The following MAP3K4 variants were observed in gnomAD, a reference collection of about 807,000 sequenced individuals.
MAP3K4 encodes MAP three kinase 1.
In MAP3K4, 67 loss-of-function variants were observed where a neutral mutation model predicts 185.6. That is an observed-to-expected ratio of 0.36 (90% CI 0.30 to 0.44). The LOEUF (loss-of-function observed/expected upper bound fraction) is 0.44. Ranked by LOEUF, MAP3K4 falls within the 20% of genes least tolerant of loss-of-function variation. The pLI is 1.00. For missense variants in MAP3K4, 1,551 were observed against 1,995.1 expected (o/e 0.78, Z 4.24); for synonymous variants, 702 against 710.4 (o/e 0.99, Z 0.19).
At position 161,037,064 on chromosome 6, in the gene MAP3K4, A is replaced by G. The variant is rs1191272432; in HGVS notation, c.343+2615A>G. ...CATGTATATTAGAAAGTGGCTTCAC[A>G]TGTATGCCAGCTGGTGAACTATTTC... is the stretch of plus-strand genomic sequence containing the variant. On this transcript the variant is annotated intron_variant, in intron 2 of 26. Coordinates refer to ENST00000392142, the MANE Select transcript of MAP3K4 (RefSeq NM_005922.4). The surrounding 1 kb of genome is among the most constrained non-coding windows in gnomAD (Gnocchi z 4.2). Among the ~76,000 whole-genome samples the G allele has an allele frequency of 6.6e-6, 1 of 152,206 alleles. No homozygotes were observed. Among genetic ancestry groups the G allele is most frequent in the Non-Finnish European group, 1.5e-5 (1 of 68,038 alleles).
At chr6:161,000,523 A>C (rs1243542915) in intron 1 of MAP3K4, among the ~76,000 whole-genome samples, 1 of 152,224 alleles carries the variant, frequency 6.6e-6, no homozygotes, top group East Asian at 1.9e-4. Context: ...AAGAATTGTA[A>C]AGATCAGTTT....
chr6:160,995,248 A>G (rs1054838553), intron 1 of MAP3K4, among the ~76,000 whole-genome samples: 7 of 152,168 alleles, frequency 4.6e-5, no homozygotes, highest in African/African-American at 9.7e-5. Context: ...GTGAAATGCC[A>G]CCTTTTAATA....
chr6:161,112,616 A>C lies in MAP3K4; in HGVS notation c.4520-52A>C. On this transcript the variant is annotated intron_variant, in intron 24 of 26. Coordinates refer to ENST00000392142, the MANE Select transcript of MAP3K4 (RefSeq NM_005922.4). The surrounding 1 kb of genome is among the most constrained non-coding windows in gnomAD (Gnocchi z 5.1). The stretch of plus-strand genomic sequence containing the variant: ...ATTTATTGCTTGGCTCTATTAATAC[A>C]TGTTGATGTGTTTATAACCCATTAC... 1 of 1,094,144 alleles carries C rather than the reference A, an allele frequency of 9.1e-7. No homozygotes were observed. The highest frequency in any genetic ancestry group is 1.3e-6 in the Non-Finnish European group (1 of 793,816). The allele number at this position is 1,094,144 out of a possible 1,614,324, so 67.8% of individuals were successfully genotyped here.
intron 3 of MAP3K4, among the ~76,000 whole-genome samples, chr6:161,059,982 C>G (rs949782326): frequency 6.6e-6 from 1 of 151,858 alleles, no homozygotes; most frequent in East Asian, 1.9e-4. Flanking sequence ...TGTGAATTGG[C>G]TGTAAAATAG....
rs1312721703 is a variant in MAP3K4, at chr6:161,111,842, A to G, written c.4403A>G (p.Asn1468Ser). The G allele has an allele frequency of 6.2e-7, 1 of 1,613,386 alleles. No individual in the cohort carries two copies. The highest frequency in any genetic ancestry group is 1.3e-5 in the African/African-American group (1 of 74,868). ...GIVHRDIKGA[N>S]IFLTSSGLIK... Reference sequence around the variant, plus strand: ...CTACTTCTTTTCTTTTTAGGTGCCAATATCTTCCTTACCTCATCTGGATTA... The same window carrying G: ...CTACTTCTTTTCTTTTTAGGTGCCAGTATCTTCCTTACCTCATCTGGATTA... Residue 1468 changes from asparagine to serine, a missense_variant, in exon 24 of 27, where the codon AAT (asparagine) becomes AGT (serine). This residue lies in a region of MAP3K4 where 159 missense variants were observed against 300.5 expected (regional missense o/e 0.53). Transcript: ENST00000392142.
Position 161,102,957 on chromosome 6 carries a change from A to C in MAP3K4, c.3856+178A>C, listed in dbSNP as rs181180934. Among the ~76,000 whole-genome samples the C allele has an allele frequency of 6.6e-5, 10 of 152,306 alleles. No individual in the cohort carries two copies. The East Asian group carries it at 1.7e-3, about 26-fold the overall frequency. On this transcript the variant is annotated intron_variant, in intron 19 of 26. Transcript: ENST00000392142. ...TCTATCATGTACTGTGTTTGTGTACATTTCCTATTTCTAGTAACAAACTAC... is the reference window on the plus strand; with the variant it reads ...TCTATCATGTACTGTGTTTGTGTACCTTTCCTATTTCTAGTAACAAACTAC...
chr6:160,993,198 A>G (rs940187703), intron 1 of MAP3K4, among the ~76,000 whole-genome samples: 1 of 152,156 alleles, frequency 6.6e-6, no homozygotes. Flanking sequence ...TAATTCTGAG[A>G]TAGTTCTGGG....
intron 13 of MAP3K4, 35 bp downstream of exon 13, chr6:161,092,178 A>G: frequency 3.1e-6 from 5 of 1,611,998 alleles, no homozygotes; most frequent in Non-Finnish European, 4.2e-6. Context: ...GAAATGTGTC[A>G]TGTGGGCTTG....
At chr6:161,089,828 A>G (rs1408042203) in intron 11 of MAP3K4, among the ~76,000 whole-genome samples, 1 of 152,240 alleles carries the variant, frequency 6.6e-6, no homozygotes, top group African/African-American at 2.4e-5. Flanking sequence ...GAGGTACTCC[A>G]TATCAGCAGT....
At chr6:161,078,744 C>T (rs778209285) in intron 5 of MAP3K4, among the ~76,000 whole-genome samples, 14 of 152,072 alleles carry the variant, frequency 9.2e-5, no homozygotes, top group Non-Finnish European at 1.8e-4. Flanking sequence ...TGCTAAGCCA[C>T]GGCAGGGTGG....
chr6:161,048,176 G>C lies in MAP3K4; in HGVS notation c.344-440G>C. On this transcript the variant is annotated intron_variant, in intron 2 of 26. Transcript: ENST00000392142. This position sits in a 1 kb window ranked among gnomAD's most constrained non-coding sequence, Gnocchi z 4.7. Reference sequence around the variant, plus strand: ...GAGAAAAGTAATCCAGATAATTTACGTGATTTCCTCTTAAGTTTACACATT... The same window carrying C: ...GAGAAAAGTAATCCAGATAATTTACCTGATTTCCTCTTAAGTTTACACATT... The C allele has an allele frequency of 2.0e-6, 1 of 496,568 alleles. No individual in the cohort carries two copies. Among genetic ancestry groups the C allele is most frequent in the South Asian group, 1.5e-5 (1 of 65,176 alleles). The allele number at this position is 496,568 out of a possible 1,614,324, so 30.8% of individuals were successfully genotyped here.
At position 161,008,052 on chromosome 6, in the gene MAP3K4, A is replaced by G. The variant is rs1038761797; in HGVS notation, c.152+15969A>G. Among the ~76,000 whole-genome samples, 7 of 152,204 alleles carry G rather than the reference A, an allele frequency of 4.6e-5. No homozygotes were observed. Among genetic ancestry groups the G allele is most frequent in the African/African-American group, 1.4e-4 (6 of 41,454 alleles). On this transcript the variant is annotated intron_variant, in intron 1 of 26. Transcript: ENST00000392142. This position sits in a 1 kb window ranked among gnomAD's most constrained non-coding sequence, Gnocchi z 4.1. ...TTCTATAAAATTCTGGTAAACCCAT[A>G]AAGAGTAGAAAGAAGGTAGAAAGGC... is the stretch of plus-strand genomic sequence containing the variant.
rs1245685659 is a variant in MAP3K4, at chr6:161,100,619, C to G, written c.3675-1273C>G. On this transcript the variant is annotated intron_variant, in intron 17 of 26. Coordinates refer to ENST00000392142, the MANE Select transcript of MAP3K4 (RefSeq NM_005922.4). This position sits in a 1 kb window ranked among gnomAD's most constrained non-coding sequence, Gnocchi z 5.8. Reference sequence around the variant, plus strand: ...CCCACCTCCCCATCCCCGACATCCCCCACCAGAGCTAGTCGTTCAACATTC... The same window carrying G: ...CCCACCTCCCCATCCCCGACATCCCGCACCAGAGCTAGTCGTTCAACATTC... Among the ~76,000 whole-genome samples, 1 of 152,168 alleles carries G rather than the reference C, an allele frequency of 6.6e-6. No individual in the cohort carries two copies. The highest frequency in any genetic ancestry group is 1.5e-5 in the Non-Finnish European group (1 of 68,030).
chr6:161,092,082 G>C lies in MAP3K4; in HGVS notation c.3208G>C (p.Ala1070Pro). 1 of 1,613,864 alleles carries C rather than the reference G, an allele frequency of 6.2e-7. No homozygotes were observed. The change falls in exon 13 of 27, where the codon GCC (alanine) becomes CCC (proline). Residue 1070 changes from alanine (A) to proline (P), a missense_variant. By Grantham distance (27) the Ala-to-Pro change is conservative (BLOSUM62 -1). This residue lies in a region of MAP3K4 where 261 missense variants were observed against 306.5 expected (regional missense o/e 0.85). Transcript: ENST00000392142. ...GATAGGAGACAAATATATAAGCTTT[G>C]CCCGGAAGTGGATGAATTATGTCCT... ...QKIGDKYISF[A>P]RKWMNYVLTK...
At chr6:161,092,912 A>G (rs1222898125) in intron 13 of MAP3K4, 66 bp from the exon 14 acceptor site, 6 of 911,112 alleles carry the variant, frequency 6.6e-6, no homozygotes, top group Middle Eastern at 2.1e-4. Context: ...TCAGTATTGT[A>G]CAGTCTAAAA....
chr6:161,006,607 G>C (rs2115063022), intron 1 of MAP3K4, among the ~76,000 whole-genome samples: 1 of 152,214 alleles, frequency 6.6e-6, no homozygotes, highest in African/African-American at 2.4e-5. Flanking sequence ...GATACTGAAG[G>C]ATGGCTGTAC....
chr6:161,023,381 T>C (rs941840723), intron 1 of MAP3K4, among the ~76,000 whole-genome samples: 9 of 152,224 alleles, frequency 5.9e-5, no homozygotes, highest in African/African-American at 2.2e-4. Context: ...TGAAAAACAT[T>C]GCATGTGGTC....
At position 161,100,687 on chromosome 6, in the gene MAP3K4, C is replaced by T. The variant is rs936773620; in HGVS notation, c.3675-1205C>T. Among the ~76,000 whole-genome samples, 12 of 152,236 alleles carry T rather than the reference C, an allele frequency of 7.9e-5. No homozygotes were observed. The highest frequency in any genetic ancestry group is 3.9e-4 in the East Asian group (2 of 5,184). ...TGAGTATATGTTCTTGCTTTTTACC[C>T]GTGCAAAAATCTCTTAAGGACATGG... On this transcript the variant is annotated intron_variant, in intron 17 of 26. Transcript: ENST00000392142. The surrounding 1 kb of genome is among the most constrained non-coding windows in gnomAD (Gnocchi z 5.8).
chr6:161,075,248 G>T lies in MAP3K4; in HGVS notation c.2097+1636G>T, dbSNP rs904775367. Among the ~76,000 whole-genome samples, 1 of 152,104 alleles carries T rather than the reference G, an allele frequency of 6.6e-6. No individual in the cohort carries two copies. The highest frequency in any genetic ancestry group is 6.5e-5 in the Admixed American group (1 of 15,270). On this transcript the variant is annotated intron_variant, in intron 5 of 26. Coordinates refer to ENST00000392142, the MANE Select transcript of MAP3K4 (RefSeq NM_005922.4). The surrounding 1 kb of genome is among the most constrained non-coding windows in gnomAD (Gnocchi z 4.3). ...CGGCTTCCTGTAGTCTCAACCTACT[G>T]GGCTCAAACGATCCTCCTGCCTCAG...
Sources: gnomAD v4.1 joint callset for allele counts (sites outside exome capture counted in the v4.1 genomes callset) on GRCh38, gnomAD v4.1.1 for gene constraint, gnomAD v4.1.1 regional missense constraint, Gnocchi (gnomAD v3.1) non-coding constraint, MANE v1.5 for transcripts, NCBI Gene and HGNC (gene_info 2026-07-23, HGNC 2026-07-21) for gene names.